NCAM1: variants seen among roughly 807,000 people sequenced by gnomAD.
NCAM1 encodes the protein neural cell adhesion molecule 1, also known as antigen recognized by monoclonal antibody 5.1H11.
A neutral mutation model predicts 109.8 loss-of-function variants in NCAM1; 14 were observed. The observed-to-expected ratio is 0.13, with a 90% CI of 0.08 to 0.20. The LOEUF (loss-of-function observed/expected upper bound fraction) is 0.20, where lower values mean the gene tolerates loss of function less well. Ranked by LOEUF, NCAM1 falls within the 10% of genes least tolerant of loss-of-function variation. The pLI, the probability that NCAM1 is intolerant of heterozygous loss-of-function variation, is 1.00. For synonymous variants in NCAM1, 418 were observed against 442.9 expected (o/e 0.94, Z 0.70); for missense variants, 774 against 1,109.9 (o/e 0.70, Z 4.30).
At chr11:113,004,995 AATTTTTGCTATCAT>A (rs1555073075) in intron 1 of NCAM1, among the ~76,000 whole-genome samples, 1 of 151,766 alleles carries the variant, frequency 6.6e-6, no homozygotes, top group African/African-American at 2.4e-5. Context: ...GATTTACTTT[AATTTTTGCTATCAT>A]ATTTTTTAGT....
chr11:112,979,237 A>C (rs1951085919), intron 1 of NCAM1, among the ~76,000 whole-genome samples: 1 of 147,302 alleles, frequency 6.8e-6, no homozygotes, highest in Non-Finnish European at 1.5e-5. Flanking sequence ...AGAAAAAAAA[A>C]CAAACAAAAA....
intron 1 of NCAM1, among the ~76,000 whole-genome samples, chr11:113,001,681 G>T (rs2134990824): frequency 6.6e-6 from 1 of 152,242 alleles, no homozygotes; most frequent in East Asian, 1.9e-4. Context: ...TGCCATTGTA[G>T]GCCGAAGGCT....
At chr11:113,200,701 C>G (rs2136868060) in intron 1 of NCAM1, among the ~76,000 whole-genome samples, 1 of 152,226 alleles carries the variant, frequency 6.6e-6, no homozygotes, top group Middle Eastern at 3.4e-3. Context: ...CAAGTGGCAC[C>G]TGAACTCCAT....
rs576616934 is a variant in NCAM1 at position 113,231,493 on chromosome 11, A to G, written c.1090-152A>G. On this transcript the variant is annotated intron_variant, in intron 9 of 19. Transcript: ENST00000316851. ...TCCCCCATTAGATGGTACCTAAAGT[A>G]AGAAAGCCATTGACACAGAGAGGAG... The G allele has an allele frequency of 7.5e-4, 693 of 927,752 alleles. 1 individual carries two copies. Among genetic ancestry groups the G allele is most frequent in the Non-Finnish European group, 7.9e-4 (495 of 624,406 alleles). 57.5% of individuals were successfully genotyped at this position (927,752 alleles called of 1,614,324 possible).
chr11:113,170,625 G>A lies in NCAM1; in HGVS notation c.53-31754G>A, dbSNP rs150971505. Among the ~76,000 whole-genome samples, 47 of 152,222 alleles carry A rather than the reference G, an allele frequency of 3.1e-4. No individual in the cohort carries two copies. The South Asian group carries it at 5.4e-3, about 17-fold the overall frequency. On this transcript the variant is annotated intron_variant, in intron 1 of 19. Coordinates refer to ENST00000316851, the MANE Select transcript of NCAM1 (RefSeq NM_181351.5). ...GAAGAAGAGAGTGATTTTTGTTGTT[G>A]TTATGTGTCTTGCTTTGTTTTTTCT...
At chr11:113,077,987 T>G (rs1412036073) in intron 1 of NCAM1, among the ~76,000 whole-genome samples, 1 of 152,114 alleles carries the variant, frequency 6.6e-6, no homozygotes, top group Non-Finnish European at 1.5e-5. Flanking sequence ...GCACCTGGCT[T>G]GAATGGGTAA....
At chr11:113,165,606 A>G (rs868935397) in intron 1 of NCAM1, among the ~76,000 whole-genome samples, 26 of 152,176 alleles carry the variant, frequency 1.7e-4, no homozygotes, top group African/African-American at 5.8e-4. Flanking sequence ...CGATGGGACC[A>G]TTATGAGAGT....
chr11:113,080,164 T>C (rs1938726424), intron 1 of NCAM1, among the ~76,000 whole-genome samples: 2 of 152,154 alleles, frequency 1.3e-5, no homozygotes, highest in South Asian at 4.1e-4. Flanking sequence ...TCCACTTATA[T>C]AATAATGAAA....
chr11:113,212,727 T>C (rs1227568019), intron 7 of NCAM1, among the ~76,000 whole-genome samples: 1 of 152,236 alleles, frequency 6.6e-6, no homozygotes, highest in Non-Finnish European at 1.5e-5. Flanking sequence ...ATTAACCTTT[T>C]TGTTTTTCAT....
At position 113,263,502 on chromosome 11, in the gene NCAM1, T is replaced by G. The variant is rs1048555650; in HGVS notation, c.2131+3179T>G. On this transcript the variant is annotated intron_variant, in intron 17 of 19. Transcript: ENST00000316851. ...CAACTGAAGTCACCCCTGTTGCCCA[T>G]GCACTGGAAAAAAAGTTGAATTTGT... The G allele has an allele frequency of 4.1e-6, 4 of 985,716 alleles. No individual in the cohort carries two copies. In the African/African-American group the frequency reaches 5.2e-5, roughly 13 times the overall value. The allele number at this position is 985,716 out of a possible 1,614,324, so 61.1% of individuals were successfully genotyped here.
chr11:113,270,434 C>A (rs1555125082), intron 18 of NCAM1, 39 bp downstream of exon 18: 2 of 1,596,306 alleles, frequency 1.3e-6, no homozygotes, highest in Non-Finnish European at 1.7e-6. Context: ...GGTTTGGGCT[C>A]TGCTCCAGCC....
At chr11:112,993,343 A>C (rs1195266039) in intron 1 of NCAM1, among the ~76,000 whole-genome samples, 1 of 152,168 alleles carries the variant, frequency 6.6e-6, no homozygotes, top group African/African-American at 2.4e-5. Flanking sequence ...CATACACTTA[A>C]ATGACCAGAT....
rs58582652 is a variant in NCAM1, at chr11:113,194,625, T to G, written c.53-7754T>G. ...CTTTATACCAGGAAGCTCCGTTTTC[T>G]TTATCCTGTGGCATAAAAAAATGAA... On this transcript the variant is annotated intron_variant, in intron 1 of 19. Coordinates refer to ENST00000316851, the MANE Select transcript of NCAM1 (RefSeq NM_181351.5). Among the ~76,000 whole-genome samples, 256 of 152,348 alleles carry G rather than the reference T, an allele frequency of 1.7e-3. 4 individuals carry two copies. In the East Asian group the frequency reaches 0.032, roughly 19 times the overall value.
intron 9 of NCAM1, among the ~76,000 whole-genome samples, chr11:113,222,862 C>T (rs533911360): frequency 3.9e-5 from 6 of 152,078 alleles, no homozygotes; most frequent in Non-Finnish European, 8.8e-5. Flanking sequence ...TTACTTTGGA[C>T]GTAATTGACT....
chr11:113,158,293 G>A (rs1565469761), intron 1 of NCAM1, among the ~76,000 whole-genome samples: 1 of 152,048 alleles, frequency 6.6e-6, no homozygotes, highest in African/African-American at 2.4e-5. Context: ...TTCATTCATT[G>A]TTGGGAAAAT....
intron 3 of NCAM1, 133 bp downstream of exon 3, chr11:113,204,637 C>T (rs1944181291): frequency 2.7e-5 from 24 of 888,398 alleles, no homozygotes; most frequent in Non-Finnish European, 4.0e-5. Flanking sequence ...CTCCCTAAGT[C>T]TTTTCTGACC....
At chr11:113,008,021 G>A (rs1195805438) in intron 1 of NCAM1, among the ~76,000 whole-genome samples, 5 of 152,162 alleles carry the variant, frequency 3.3e-5, no homozygotes, top group African/African-American at 4.8e-5. Context: ...ATAAGGCACC[G>A]TGTCAATTTA....
At chr11:113,200,171 C>T (rs368435794) in intron 1 of NCAM1, among the ~76,000 whole-genome samples, 3 of 152,322 alleles carry the variant, frequency 2.0e-5, no homozygotes, top group East Asian at 3.9e-4. Flanking sequence ...CTTGGGGGGA[C>T]TCAGCTTCTC....
chr11:113,139,279 T>A (rs1941724431), intron 1 of NCAM1, among the ~76,000 whole-genome samples: 1 of 152,224 alleles, frequency 6.6e-6, no homozygotes, highest in Non-Finnish European at 1.5e-5. Context: ...GGTGACATTG[T>A]CTTAAGTTTA....
Sources: gnomAD v4.1 joint callset for allele counts (sites outside exome capture counted in the v4.1 genomes callset) on GRCh38, gnomAD v4.1.1 for gene constraint, MANE v1.5 for transcripts, NCBI Gene and HGNC (gene_info 2026-07-23, HGNC 2026-07-21) for gene names.